ZNF536: variants seen among roughly 807,000 people sequenced by gnomAD.
The protein encoded by ZNF536 is zinc finger protein 536.
A neutral mutation model predicts 84.5 loss-of-function variants in ZNF536; 13 were observed. That is an observed-to-expected ratio of 0.15 (90% CI 0.10 to 0.24). ZNF536 has a LOEUF of 0.24. Ranked by LOEUF, ZNF536 falls within the 10% of genes least tolerant of loss-of-function variation. The probability of loss-of-function intolerance (pLI) is 1.00; values close to 1 mark genes in which losing one functional copy is unlikely to be tolerated. For synonymous variants in ZNF536, 811 were observed against 742.5 expected, an observed-to-expected ratio of 1.09 and a Z score of -1.50; for missense variants, 1,536 against 1,747.5, an observed-to-expected ratio of 0.88 and a Z score of 2.16.
intron 2 of ZNF536, among the ~76,000 whole-genome samples, chr19:30,285,581 G>A (rs1012942299): frequency 1.3e-5 from 2 of 152,132 alleles, no homozygotes; most frequent in Non-Finnish European, 2.9e-5. Context: ...CCAGTGAATC[G>A]GAGGTATAGC....
In ZNF536 at chr19:30,445,153, A is replaced by C. The variant is rs1350716704; in HGVS notation, c.1591A>C (p.Met531Leu). The change falls in exon 2 of 5, where the codon ATG becomes CTG. Residue 531 changes from methionine (M) to leucine (L), a missense_variant. By Grantham distance (15) the Met-to-Leu change is conservative (BLOSUM62 2). Transcript: ENST00000355537. The surrounding 1 kb of genome is among the most constrained non-coding windows in gnomAD (Gnocchi z 4.5). ...GGCTTGGCAGCTCATGGCCAGGGGC[A>C]TGGCCATGGAACATGGCTTCTTGTC... ...YQAWQLMARG[M>L]AMEHGFLSKE... The C allele has an allele frequency of 6.2e-7, 1 of 1,614,086 alleles. No individual in the cohort carries two copies. Among genetic ancestry groups the C allele is most frequent in the East Asian group, 2.2e-5 (1 of 44,838 alleles).
At chr19:30,440,930 G>C (rs1419480196) in intron 1 of ZNF536, among the ~76,000 whole-genome samples, 2 of 119,778 alleles carry the variant, frequency 1.7e-5, no homozygotes, top group Non-Finnish European at 3.6e-5. Context: ...TAGATAGATA[G>C]ATAGATAGAT....
At chr19:30,456,003 G>A (rs913797523) in intron 2 of ZNF536, among the ~76,000 whole-genome samples, 3 of 152,250 alleles carry the variant, frequency 2.0e-5, no homozygotes, top group South Asian at 2.1e-4. Context: ...GAGTATTTTC[G>A]GCTTTGGGGG....
At chr19:30,617,131 AT>A (rs929724351) in intron 1 of ZNF536, among the ~76,000 whole-genome samples, 42 of 144,590 alleles carry the variant, frequency 2.9e-4, no homozygotes, top group Admixed American at 5.5e-4. Flanking sequence ...TTTTATTTTT[AT>A]TTTTTTTTTA....
At position 30,333,979 on chromosome 19, in the gene ZNF536, A is replaced by C. The variant is rs569352534; in HGVS notation, c.-119-18389A>C. Among the ~76,000 whole-genome samples the C allele has an allele frequency of 9.9e-5, 15 of 152,278 alleles. No individual in the cohort carries two copies. The South Asian group carries it at 1.7e-3, about 17-fold the overall frequency. Reference sequence around the variant, plus strand: ...TATGAATCCTTAATGAGGATAGTTAAATTTAAAAGAAACCCCCAAACCACC... The same window carrying C: ...TATGAATCCTTAATGAGGATAGTTACATTTAAAAGAAACCCCCAAACCACC... On this transcript the variant is annotated intron_variant, in intron 2 of 5. Transcript: ENST00000585628.
chr19:30,366,207 C>T (rs751607852), intron 3 of ZNF536, among the ~76,000 whole-genome samples: 8 of 152,160 alleles, frequency 5.3e-5, no homozygotes, highest in East Asian at 1.9e-4. Context: ...ACACTGTGAG[C>T]GGCTGCTGGG....
chr19:30,430,665 C>G (rs2051416188), intron 1 of ZNF536, among the ~76,000 whole-genome samples: 1 of 152,134 alleles, frequency 6.6e-6, no homozygotes. Flanking sequence ...TAAAAGGATA[C>G]CAAGTTGCCC....
chr19:30,444,215 T>C lies in ZNF536; in HGVS notation c.653T>C (p.Leu218Pro), dbSNP rs2052202428. Residue 218 changes from leucine (L) to proline (P), a missense_variant, in exon 2 of 5, where the codon CTG becomes CCG. By Grantham distance (98) the Leu-to-Pro change is moderately conservative. This residue lies in a region of ZNF536 where 138 missense variants were observed against 136.8 expected (regional missense o/e 1.01). Transcript: ENST00000355537. ...LRDKQLKGSL[L>P]QPRPDLKPPP... is the part of the protein sequence containing the mutation. ...GACAAGCAGCTGAAAGGCAGCCTGC[T>C]GCAGCCCCGGCCGGACCTGAAGCCC... The C allele has an allele frequency of 6.5e-7, 1 of 1,547,592 alleles. No homozygotes were observed. The highest frequency in any genetic ancestry group is 8.7e-7 in the Non-Finnish European group (1 of 1,151,520).
chr19:30,348,222 A>T (rs920189848), intron 2 of ZNF536, among the ~76,000 whole-genome samples: 1 of 152,186 alleles, frequency 6.6e-6, no homozygotes, highest in Non-Finnish European at 1.5e-5. Context: ...TCCTTCATTC[A>T]ACAAATAAAA....
chr19:30,680,566 T>C (rs2050929025), intron 1 of ZNF536, among the ~76,000 whole-genome samples: 1 of 152,042 alleles, frequency 6.6e-6, no homozygotes. Context: ...TCCATGTCCC[T>C]ACAAAGGACA....
At position 30,513,963 on chromosome 19, in the gene ZNF536, G is replaced by A. The variant is rs568836919; in HGVS notation, c.2171-20884G>A. On this transcript the variant is annotated intron_variant, in intron 2 of 4. Transcript: ENST00000355537. ...GTGTGCACTGACTGGTGAGGGGCAC[G>A]TTGGGTGCTGTGTGGGACACACGAG... Among the ~76,000 whole-genome samples, 13 of 152,356 alleles carry A rather than the reference G, an allele frequency of 8.5e-5. No homozygotes were observed. The South Asian group carries it at 1.2e-3, about 15-fold the overall frequency.
At chr19:30,696,411 T>C (rs768702817) in intron 1 of ZNF536, among the ~76,000 whole-genome samples, 10 of 152,256 alleles carry the variant, frequency 6.6e-5, no homozygotes, top group African/African-American at 9.6e-5. Context: ...AGTATTATTA[T>C]ATTACACATC....
chr19:30,364,830 T>TC (rs1162599018), intron 3 of ZNF536, among the ~76,000 whole-genome samples: 1 of 152,190 alleles, frequency 6.6e-6, no homozygotes, highest in Non-Finnish European at 1.5e-5. Flanking sequence ...TTCATATGTA[T>TC]ACAAAAGAGG....
intron 1 of ZNF536, among the ~76,000 whole-genome samples, chr19:30,590,162 G>T (rs1439549437): frequency 6.6e-6 from 1 of 152,182 alleles, no homozygotes; most frequent in South Asian, 2.1e-4. Flanking sequence ...GGTTCTTCAT[G>T]GGCTCTGATC....
intron 1 of ZNF536, among the ~76,000 whole-genome samples, chr19:30,576,757 G>C (rs374711012): frequency 6.6e-6 from 1 of 152,198 alleles, no homozygotes; most frequent in Non-Finnish European, 1.5e-5. Flanking sequence ...CCTGGTCCAC[G>C]TGGGGACTGG....
intron 2 of ZNF536, among the ~76,000 whole-genome samples, chr19:30,474,452 C>T (rs962812051): frequency 6.6e-6 from 1 of 152,052 alleles, no homozygotes. Flanking sequence ...CTCAGACACC[C>T]GCCCTTTTCC....
At chr19:30,601,723 G>A (rs2047693211) in intron 1 of ZNF536, among the ~76,000 whole-genome samples, 1 of 152,164 alleles carries the variant, frequency 6.6e-6, no homozygotes, top group Admixed American at 6.5e-5. Context: ...AACCAGCCGA[G>A]AAGCCTGCTG....
chr19:30,519,226 G>A (rs1599667983), intron 2 of ZNF536, among the ~76,000 whole-genome samples: 2 of 152,372 alleles, frequency 1.3e-5, no homozygotes, highest in Non-Finnish European at 1.5e-5. Flanking sequence ...CAGCTCTGGG[G>A]TGGGGCTCCC....
downstream of ZNF536, among the ~76,000 whole-genome samples, chr19:30,561,043 T>G (rs139809322): frequency 1.3e-3 from 195 of 152,346 alleles, 2 homozygotes; most frequent in African/African-American, 4.0e-3. Flanking sequence ...TGTGGAGTTG[T>G]CCAGACACAC....
Sources: gnomAD v4.1 joint callset for allele counts (sites outside exome capture counted in the v4.1 genomes callset) on GRCh38, gnomAD v4.1.1 for gene constraint, gnomAD v4.1.1 regional missense constraint, Gnocchi (gnomAD v3.1) non-coding constraint, MANE v1.5 for transcripts, NCBI Gene and HGNC (gene_info 2026-07-23, HGNC 2026-07-21) for gene names.